Variants in PRKAR1B observed in about 807,000 individuals in gnomAD.
PRKAR1B encodes protein kinase cAMP-dependent type I regulatory subunit beta, also known as cAMP-dependent protein kinase type I-beta regulatory subunit.
In PRKAR1B, 22 loss-of-function variants were observed where a neutral mutation model predicts 46.5. The observed-to-expected ratio is 0.47, with a 90% CI of 0.34 to 0.68. PRKAR1B has a LOEUF of 0.68. PRKAR1B is among the 30% of genes least tolerant of loss of function. PRKAR1B has a pLI of 0.01. For missense variants in PRKAR1B, 445 were observed against 535.6 expected (o/e 0.83, Z 1.67); for synonymous variants, 259 against 217.7 (o/e 1.19, Z -1.67).
intron 4 of PRKAR1B, among the ~76,000 whole-genome samples, chr7:636,772 T>C (rs1009964324): frequency 6.6e-6 from 1 of 152,208 alleles, no homozygotes; most frequent in Non-Finnish European, 1.5e-5. Flanking sequence ...TCCATCTCTC[T>C]GTCTCTGCAC....
intron 4 of PRKAR1B, among the ~76,000 whole-genome samples, chr7:662,157 G>T (rs1189364547): frequency 1.0e-5 from 1 of 100,278 alleles, no homozygotes; most frequent in African/African-American, 4.2e-5. Context: ...CATGGCACAG[G>T]TCCACACCCC....
Position 596,236 on chromosome 7 carries a change from G to T in PRKAR1B, c.618C>A (p.Ile206=), listed in dbSNP as rs1186592080. 6.2e-7 allele frequency: 1 copy of T among 1,614,068 alleles called. No individual in the cohort carries two copies. Among genetic ancestry groups the T allele is most frequent in the Admixed American group, 1.7e-5 (1 of 60,024 alleles). Residue 206 remains isoleucine, a synonymous_variant, in exon 7 of 11, where the codon ATC becomes ATA. Coordinates refer to ENST00000537384, the MANE Select transcript of PRKAR1B (RefSeq NM_001164760.2). ...CGGTCGCAGCCCTGGGGGTGCCGTA[G>T]ATGAGCGCCAGCTCCCCGAAGCTGC... ...EGGSFGELAL[I]YGTPRAATVK...
intron 4 of PRKAR1B, among the ~76,000 whole-genome samples, chr7:634,285 G>A (rs983585467): frequency 3.3e-5 from 5 of 151,998 alleles, no homozygotes; most frequent in South Asian, 2.1e-4. Flanking sequence ...GCCTCCCAAA[G>A]TGCTGGGATT....
At chr7:609,431 ACT>A (rs1399835880) in intron 4 of PRKAR1B, among the ~76,000 whole-genome samples, 3 of 151,564 alleles carry the variant, frequency 2.0e-5, no homozygotes, top group Non-Finnish European at 2.9e-5. Context: ...TGCCTCCACC[ACT>A]CTCTCCTGGA....
intron 9 of PRKAR1B, among the ~76,000 whole-genome samples, chr7:571,040 G>A (rs1779479934): frequency 6.6e-6 from 1 of 152,228 alleles, no homozygotes; most frequent in East Asian, 1.9e-4. Context: ...CGGAGCTGAT[G>A]CCTGGGAAAC....
In PRKAR1B at chr7:727,221, T is replaced by C; in HGVS notation, c.-34A>G. On this transcript the variant is annotated 5_prime_UTR_variant, in exon 1 of 11. Transcript: ENST00000537384. ...CGCTCGCGCCCCACCTGGACGACGCTCTGCGCGCGCTGCGCTGCTCCCTGC... is the reference window on the plus strand; with the variant it reads ...CGCTCGCGCCCCACCTGGACGACGCCCTGCGCGCGCTGCGCTGCTCCCTGC... 7.4e-7 allele frequency: 1 copy of C among 1,350,250 alleles called. No individual in the cohort carries two copies. Among genetic ancestry groups the C allele is most frequent in the Non-Finnish European group, 9.5e-7 (1 of 1,050,686 alleles). 83.6% of individuals were successfully genotyped at this position (1,350,250 alleles called of 1,614,324 possible).
At chr7:587,949 G>A (rs1051594692) in intron 7 of PRKAR1B, among the ~76,000 whole-genome samples, 12 of 152,234 alleles carry the variant, frequency 7.9e-5, no homozygotes, top group African/African-American at 2.4e-4. Flanking sequence ...GCAAGTCCCC[G>A]AGGCACAGCA....
At chr7:555,319 A>G (rs918065145) in intron 9 of PRKAR1B, among the ~76,000 whole-genome samples, 28 of 151,710 alleles carry the variant, frequency 1.8e-4, no homozygotes, top group African/African-American at 6.8e-4. Flanking sequence ...GACACACCAC[A>G]CTTTGTCACT....
intron 8 of PRKAR1B, 23 bp downstream of exon 8, chr7:584,485 C>CG: frequency 6.2e-7 from 1 of 1,610,560 alleles, no homozygotes; most frequent in Non-Finnish European, 8.5e-7. Context: ...GACACACAGC[C>CG]GTGCAGGGGC....
At chr7:571,598 C>CT (rs1157022536) in intron 9 of PRKAR1B, among the ~76,000 whole-genome samples, 1 of 152,248 alleles carries the variant, frequency 6.6e-6, no homozygotes, top group Non-Finnish European at 1.5e-5. Flanking sequence ...TCCCAGGCCG[C>CT]TGCCGCCCCG....
chr7:607,297 G>A (rs1460439016), intron 5 of PRKAR1B, 94 bp downstream of exon 5: 11 of 1,234,698 alleles, frequency 8.9e-6, no homozygotes, highest in Non-Finnish European at 1.2e-5. Context: ...TACAGGCGTG[G>A]GCCATCGTGC....
chr7:727,187 G>A (rs1421468361), intron 1 of PRKAR1B, 23 bp downstream of exon 1: 6 of 1,342,694 alleles, frequency 4.5e-6, no homozygotes, highest in African/African-American at 1.5e-5. Context: ...GTGGACCTGT[G>A]CGGCGCCGCG....
At chr7:601,755 G>A (rs149981745) in intron 6 of PRKAR1B, among the ~76,000 whole-genome samples, 7 of 152,342 alleles carry the variant, frequency 4.6e-5, no homozygotes, top group East Asian at 1.9e-4. Flanking sequence ...GCCGGTTCCC[G>A]CAGGGGGCCC....
rs36148273 is a variant in PRKAR1B, at chr7:567,430, CCAT to C, written c.891+11823_891+11825del. On this transcript the variant is annotated intron_variant, in intron 9 of 10. Coordinates refer to ENST00000537384, the MANE Select transcript of PRKAR1B (RefSeq NM_001164760.2). ...ACCTCCATCATCATCACCATCATCA[CCAT>C]CATCATCACCATCACCTCCATCATC... Among the ~76,000 whole-genome samples, 998 of 116,262 alleles carry C rather than the reference CCAT, an allele frequency of 8.6e-3. 6 individuals carry two copies. Among genetic ancestry groups the C allele is most frequent in the Middle Eastern group, 0.019 (5 of 264 alleles). The allele number at this position is 116,262 out of a possible 152,430, so 76.3% of individuals were successfully genotyped here.
intron 2 of PRKAR1B, among the ~76,000 whole-genome samples, chr7:689,281 C>A (rs985064868): frequency 1.3e-5 from 2 of 151,896 alleles, no homozygotes; most frequent in Non-Finnish European, 2.9e-5. Context: ...ACCACCACAC[C>A]CGGCTAATTT....
chr7:639,426 G>A (rs901692561), intron 4 of PRKAR1B, among the ~76,000 whole-genome samples: 1 of 152,196 alleles, frequency 6.6e-6, no homozygotes, highest in South Asian at 2.1e-4. Context: ...CACACAGAAA[G>A]TAACTCAAAA....
At chr7:608,742 G>A (rs1352945302) in intron 4 of PRKAR1B, among the ~76,000 whole-genome samples, 2 of 117,844 alleles carry the variant, frequency 1.7e-5, no homozygotes, top group East Asian at 4.9e-4. Flanking sequence ...GTGTGTGGCA[G>A]GGCTGTAGGG....
intron 4 of PRKAR1B, among the ~76,000 whole-genome samples, chr7:633,415 G>A (rs1381944496): frequency 3.3e-5 from 5 of 152,158 alleles, no homozygotes; most frequent in South Asian, 4.1e-4. Flanking sequence ...AATATCCCAC[G>A]ACTTGGGAGC....
intron 6 of PRKAR1B, among the ~76,000 whole-genome samples, chr7:600,844 A>C (rs899545670): frequency 2.0e-5 from 3 of 152,244 alleles, no homozygotes; most frequent in Admixed American, 2.0e-4. Flanking sequence ...TGTCCTTTTA[A>C]ATAGAAATGC....
Sources: allele counts gnomAD v4.1 joint callset (sites outside exome capture counted in the v4.1 genomes callset), GRCh38; gene constraint gnomAD v4.1.1; transcripts MANE v1.5; gene names NCBI Gene and HGNC (gene_info 2026-07-23, HGNC 2026-07-21).